The following NIPBL variants were observed in gnomAD, a reference collection of about 807,000 sequenced individuals.
The protein encoded by NIPBL is nipped-B-like protein.
In NIPBL, 19 loss-of-function variants were observed where a neutral mutation model predicts 321.8. The ratio of observed to expected loss-of-function variants is 0.06; its 90% CI spans 0.04 to 0.09. The LOEUF (loss-of-function observed/expected upper bound fraction) is 0.09. NIPBL is among the 10% of genes least tolerant of loss of function. The pLI is 1.00. For synonymous variants in NIPBL, 1,106 were observed against 1,114.1 expected (o/e 0.99, Z 0.14); for missense variants, 2,210 against 3,327.0 (o/e 0.66, Z 8.26).
At chr5:36,959,312 A>G (rs1033416182) in intron 4 of NIPBL, among the ~76,000 whole-genome samples, 1 of 152,196 alleles carries the variant, frequency 6.6e-6, no homozygotes, top group Admixed American at 6.5e-5. Context: ...GTTTCCTTTA[A>G]ATAATATTGC....
intron 1 of NIPBL, among the ~76,000 whole-genome samples, chr5:36,952,047 TGTGTGTGCGCGC>T (rs896159600): frequency 1.7e-4 from 20 of 116,090 alleles, no homozygotes; most frequent in Non-Finnish European, 3.5e-4. Flanking sequence ...TGTGTGTGTG[TGTGTGTGCGCGC>T]GCGCGCGCGC....
intron 20 of NIPBL, 115 bp downstream of exon 20, chr5:37,008,838 G>A (rs1318705673): frequency 2.8e-6 from 2 of 709,172 alleles, no homozygotes; most frequent in African/African-American, 1.8e-5. Context: ...AAACTAGGCA[G>A]TTACATCAGA....
In NIPBL at chr5:37,044,647, T is replaced by C; in HGVS notation, c.6261T>C (p.His2087=). 6.2e-7 allele frequency: 1 copy of C among 1,613,756 alleles called. No individual in the cohort carries two copies. Among genetic ancestry groups the C allele is most frequent in the Non-Finnish European group, 8.5e-7 (1 of 1,179,708 alleles). The part of the protein sequence containing the change: ...IIKYGMTVVQ[H]CVSCLGAVVN... Reference sequence around the variant, plus strand: ...TCTATATCTTTTAGGTAGTGCAACATTGTGTGAGCTGTCTTGGAGCTGTTG... The same window carrying C: ...TCTATATCTTTTAGGTAGTGCAACACTGTGTGAGCTGTCTTGGAGCTGTTG... The change falls in exon 36 of 47, where the codon CAT becomes CAC. Residue 2087 remains histidine, a synonymous_variant. Transcript: ENST00000282516.
In NIPBL at chr5:37,048,494, TC is replaced by T; in HGVS notation, c.6590-5del. On this transcript the variant is annotated splice_region_variant and splice_polypyrimidine_tract_variant and intron_variant, in intron 38 of 46. Transcript: ENST00000282516. ...AATATATGATGAGATTTTTCCCCTC[TC>T]CCATAGGATTTGCCTTTATTCAGCA... 2 of 1,530,316 alleles carry T rather than the reference TC, an allele frequency of 1.3e-6. No homozygotes were observed. The highest frequency in any genetic ancestry group is 1.8e-6 in the Non-Finnish European group (2 of 1,134,610). 94.8% of individuals were successfully genotyped at this position (1,530,316 alleles called of 1,614,324 possible).
At chr5:36,939,293 G>A (rs1375682988) in intron 1 of NIPBL, among the ~76,000 whole-genome samples, 3 of 152,146 alleles carry the variant, frequency 2.0e-5, no homozygotes, top group African/African-American at 4.8e-5. Flanking sequence ...GAGCCACTGC[G>A]TCTGGCCCAC....
intron 9 of NIPBL, chr5:36,982,210 A>T: frequency 1.0e-6 from 1 of 981,540 alleles, no homozygotes; most frequent in South Asian, 4.7e-5. Flanking sequence ...CCAGTGCTGA[A>T]GAGGGCTTAC....
At chr5:36,922,327 C>G (rs1303883716) in intron 1 of NIPBL, among the ~76,000 whole-genome samples, 9 of 151,634 alleles carry the variant, frequency 5.9e-5, no homozygotes, top group Non-Finnish European at 1.3e-4. Flanking sequence ...ATACTCTTAC[C>G]CTAAACCTAT....
intron 1 of NIPBL, among the ~76,000 whole-genome samples, chr5:36,882,976 T>C (rs1368736530): frequency 1.3e-5 from 2 of 151,924 alleles, no homozygotes; most frequent in Non-Finnish European, 2.9e-5. Context: ...ATATTGATTT[T>C]TAAATGCAGG....
intron 1 of NIPBL, among the ~76,000 whole-genome samples, chr5:36,894,005 A>T (rs1397870775): frequency 1.3e-5 from 2 of 152,166 alleles, no homozygotes; most frequent in Admixed American, 1.3e-4. Context: ...GTTTGCTCAA[A>T]AGTCAAATTG....
intron 1 of NIPBL, among the ~76,000 whole-genome samples, chr5:36,890,987 C>T (rs1259967144): frequency 2.0e-5 from 3 of 152,116 alleles, no homozygotes; most frequent in Admixed American, 1.3e-4. Flanking sequence ...GACTTCAGGC[C>T]GGGCACGGTG....
At chr5:36,911,931 A>G (rs1483043161) in intron 1 of NIPBL, among the ~76,000 whole-genome samples, 1 of 152,224 alleles carries the variant, frequency 6.6e-6, no homozygotes, top group African/African-American at 2.4e-5. Context: ...TGGGTAATGC[A>G]AAGAGTTTGA....
Position 37,014,677 on chromosome 5 carries a change from T to C in NIPBL, c.4561-6T>C, listed in dbSNP as rs774734597. The C allele has an allele frequency of 1.3e-6, 2 of 1,582,794 alleles. No homozygotes were observed. The highest frequency in any genetic ancestry group is 2.7e-5 in the African/African-American group (2 of 74,336). ...ATCTTTATAAACTCACTTTTTTTCA[T>C]TCTAGATTGACCAGGATGTTGTCAT... is the stretch of plus-strand genomic sequence containing the variant. On this transcript the variant is annotated splice_region_variant and splice_polypyrimidine_tract_variant and intron_variant, in intron 21 of 46. Transcript: ENST00000282516.
At chr5:36,909,945 G>T (rs948707756) in intron 1 of NIPBL, among the ~76,000 whole-genome samples, 1 of 152,004 alleles carries the variant, frequency 6.6e-6, no homozygotes. Flanking sequence ...GCATGGTGGT[G>T]CACACCTGTA....
intron 1 of NIPBL, among the ~76,000 whole-genome samples, chr5:36,948,809 A>T (rs908558714): frequency 6.6e-6 from 1 of 151,912 alleles, no homozygotes; most frequent in African/African-American, 2.4e-5. Context: ...TAGAAATGTG[A>T]ATCACATACT....
rs778597604 is a variant in NIPBL, at chr5:36,952,053, T to TGTGTGTGTGTGTGCGC, written c.-79-1564_-79-1563insTGTGTGTGTGTGCGCG. ...GTGTGTGTGTGTGTGTGTGTGTGTG[T>TGTGTGTGTGTGTGCGC]GCGCGCGCGCGCGCGCGCGCATGTG... On this transcript the variant is annotated intron_variant, in intron 1 of 46. Transcript: ENST00000282516. Among the ~76,000 whole-genome samples the TGTGTGTGTGTGTGCGC allele has an allele frequency of 4.8e-3, 540 of 112,116 alleles. 1 individual carries two copies. The highest frequency in any genetic ancestry group is 8.7e-3 in the Admixed American group (98 of 11,220). 73.6% of individuals were successfully genotyped at this position (112,116 alleles called of 152,430 possible). A position where few individuals can be genotyped will look rare whatever the true frequency, so the allele number is the denominator to read the frequency against.
At chr5:36,946,610 A>G (rs1281884737) in intron 1 of NIPBL, among the ~76,000 whole-genome samples, 2 of 151,588 alleles carry the variant, frequency 1.3e-5, no homozygotes, top group African/African-American at 4.9e-5. Context: ...ACACACACAT[A>G]TATGTACTTA....
intron 1 of NIPBL, among the ~76,000 whole-genome samples, chr5:36,879,214 A>C (rs1339199157): frequency 2.0e-5 from 3 of 152,218 alleles, no homozygotes; most frequent in African/African-American, 7.2e-5. Flanking sequence ...TCACGAACTG[A>C]AGCAACTTAT....
intron 32 of NIPBL, among the ~76,000 whole-genome samples, chr5:37,030,432 G>A (rs987586955): frequency 3.3e-5 from 5 of 152,094 alleles, no homozygotes; most frequent in African/African-American, 1.2e-4. Flanking sequence ...TAACATATAT[G>A]CATAAATGTT....
chr5:37,020,618 A>G lies in NIPBL; in HGVS notation c.5170A>G (p.Lys1724Glu), dbSNP rs1421237968. ...AATTATGCATCGAGCTGAAAACCGA[A>G]AAAAGTTTCTTAGAAGCATTATCAA... is the stretch of plus-strand genomic sequence containing the variant. ...GQIMHRAENR[K>E]KFLRSIIKTT... Residue 1724 changes from lysine to glutamate, a missense_variant, in exon 26 of 47, where the codon AAA (lysine) becomes GAA (glutamate). Transcript: ENST00000282516. The G allele has an allele frequency of 1.2e-6, 2 of 1,614,164 alleles. No individual in the cohort carries two copies. The highest frequency in any genetic ancestry group is 1.7e-5 in the Admixed American group (1 of 60,032).
Sources: allele counts gnomAD v4.1 joint callset (sites outside exome capture counted in the v4.1 genomes callset), GRCh38; gene constraint gnomAD v4.1.1; transcripts MANE v1.5; gene names NCBI Gene and HGNC (gene_info 2026-07-23, HGNC 2026-07-21).